The following TMEM170B variants were observed in gnomAD, a reference collection of about 807,000 sequenced individuals.
The protein encoded by TMEM170B is transmembrane protein 170B.
Under a neutral mutation model 13.0 loss-of-function variants are expected in TMEM170B, and 6 were observed. The observed-to-expected ratio is 0.46, with a 90% CI of 0.25 to 0.91. The LOEUF (loss-of-function observed/expected upper bound fraction) is 0.91. TMEM170B is among the 40% of genes least tolerant of loss of function. The pLI is 0.17. For missense variants in TMEM170B, 138 were observed against 165.2 expected, an observed-to-expected ratio of 0.84 and a Z score of 0.90; for synonymous variants, 61 against 64.9, an observed-to-expected ratio of 0.94 and a Z score of 0.29.
intron 1 of TMEM170B, among the ~76,000 whole-genome samples, chr6:11,558,302 T>C (rs1238769882): frequency 1.3e-5 from 2 of 152,198 alleles, no homozygotes; most frequent in East Asian, 1.9e-4. Context: ...GACTCTAACA[T>C]ACCACTGTAA....
At chr6:11,540,597 C>T (rs1307753488) in intron 1 of TMEM170B, among the ~76,000 whole-genome samples, 2 of 152,176 alleles carry the variant, frequency 1.3e-5, no homozygotes, top group South Asian at 2.1e-4. Flanking sequence ...TGTTGATCCC[C>T]TCAAAGTCAT....
chr6:11,548,634 T>G (rs1306667016), intron 1 of TMEM170B, among the ~76,000 whole-genome samples: 1 of 152,210 alleles, frequency 6.6e-6, no homozygotes. Context: ...GTATGTTTAT[T>G]GTGGCACTAT....
rs1280614732 is a variant in TMEM170B at position 11,575,421 on chromosome 6, T to G, written c.269-10T>G. 3.1e-6 allele frequency: 5 copies of G among 1,613,194 alleles called. No individual in the cohort carries two copies. The highest frequency in any genetic ancestry group is 4.2e-6 in the Non-Finnish European group (5 of 1,179,370). On this transcript the variant is annotated splice_polypyrimidine_tract_variant and intron_variant, in intron 2 of 2. Transcript: ENST00000379426. The surrounding 1 kb of genome is among the most constrained non-coding windows in gnomAD (Gnocchi z 4.1). The stretch of plus-strand genomic sequence containing the variant: ...CTGTATCCCTTCATTTTTCTCCCGT[T>G]TCTCCTTAGGTGCAGCAGTAGCGGG...
chr6:11,562,887 T>C (rs1759687845), intron 1 of TMEM170B, among the ~76,000 whole-genome samples: 1 of 152,264 alleles, frequency 6.6e-6, no homozygotes, highest in African/African-American at 2.4e-5. Context: ...TGTTGCTTTT[T>C]AATAACCATA....
In TMEM170B at chr6:11,576,628, A is replaced by G. The variant is rs774421541; in HGVS notation, c.*1067A>G. 7 of 152,206 alleles carry G rather than the reference A, an allele frequency of 4.6e-5. No homozygotes were observed. Among genetic ancestry groups the G allele is most frequent in the Non-Finnish European group, 1.0e-4 (7 of 68,006 alleles). The allele number at this position is 152,206 out of a possible 1,614,324, so 9.4% of individuals were successfully genotyped here. A position where few individuals can be genotyped will look rare whatever the true frequency, so the allele number is the denominator to read the frequency against. On this transcript the variant is annotated 3_prime_UTR_variant, in exon 3 of 3. Transcript: ENST00000379426. ...AATAAAGACCTCATTTGTAGAAATA[A>G]GTAACAAGTAAGTTATATAGGAAGA...
intron 2 of TMEM170B, among the ~76,000 whole-genome samples, chr6:11,571,926 GA>G (rs1166919876): frequency 6.6e-6 from 1 of 152,088 alleles, no homozygotes; most frequent in African/African-American, 2.4e-5. Flanking sequence ...AATAATATGT[GA>G]AGAGAAACTC....
chr6:11,560,255 C>T (rs1759644537), intron 1 of TMEM170B, among the ~76,000 whole-genome samples: 1 of 151,874 alleles, frequency 6.6e-6, no homozygotes, highest in Admixed American at 6.5e-5. Flanking sequence ...AGCTCCACCT[C>T]CTGGGTTCAC....
chr6:11,565,706 T>C lies in TMEM170B; in HGVS notation c.138T>C (p.Ser46=). The C allele has an allele frequency of 3.1e-6, 5 of 1,614,200 alleles. No homozygotes were observed. Among genetic ancestry groups the C allele is most frequent in the Non-Finnish European group, 3.4e-6 (4 of 1,180,018 alleles). ...YWIFLWALFS[S]LFVHGAAGVL... ...TCTTCCTCTGGGCTCTCTTCTCTTC[T>C]CTGTTTGTCCATGGTGCTGCAGGAG... Residue 46 remains serine, a synonymous_variant, in exon 2 of 3, where the codon TCT becomes TCC. Transcript: ENST00000379426.
At chr6:11,562,808 A>AT in intron 1 of TMEM170B, among the ~76,000 whole-genome samples, 1 of 152,174 alleles carries the variant, frequency 6.6e-6, no homozygotes, top group Middle Eastern at 3.2e-3. Context: ...GTTCTATACA[A>AT]TTGTATCACT....
intron 2 of TMEM170B, among the ~76,000 whole-genome samples, chr6:11,568,652 C>T (rs1257515190): frequency 6.6e-6 from 1 of 151,960 alleles, no homozygotes; most frequent in Non-Finnish European, 1.5e-5. Context: ...AATTTGTGTC[C>T]ATATTAGCAA....
In TMEM170B at chr6:11,583,218, T is replaced by C. The variant is rs1759981939; in HGVS notation, c.*7657T>C. On this transcript the variant is annotated 3_prime_UTR_variant, in exon 3 of 3. Coordinates refer to ENST00000379426, the MANE Select transcript of TMEM170B (RefSeq NM_001100829.3). ...GCAAGTTATTTTTAATTATAGAAAG[T>C]AGGTCTACAAAGATAAGATCTAGGT... 1 of 152,198 alleles carries C rather than the reference T, an allele frequency of 6.6e-6. No individual in the cohort carries two copies. The highest frequency in any genetic ancestry group is 2.4e-5 in the African/African-American group (1 of 41,448). 9.4% of individuals were successfully genotyped at this position (152,198 alleles called of 1,614,324 possible). A position where few individuals can be genotyped will look rare whatever the true frequency, so the allele number is the denominator to read the frequency against.
At chr6:11,553,016 G>T (rs1759545329) in intron 1 of TMEM170B, among the ~76,000 whole-genome samples, 1 of 152,142 alleles carries the variant, frequency 6.6e-6, no homozygotes, top group African/African-American at 2.4e-5. Flanking sequence ...CCTGGGCCCT[G>T]AACCCTTGAC....
chr6:11,565,416 G>A (rs1759720509), intron 1 of TMEM170B, among the ~76,000 whole-genome samples: 1 of 152,274 alleles, frequency 6.6e-6, no homozygotes, highest in South Asian at 2.1e-4. Context: ...TGTAATAGGG[G>A]CATTTAGAAG....
At chr6:11,565,237 A>G (rs1235989232) in intron 1 of TMEM170B, among the ~76,000 whole-genome samples, 1 of 152,224 alleles carries the variant, frequency 6.6e-6, no homozygotes, top group African/African-American at 2.4e-5. Flanking sequence ...AAAATCATTG[A>G]CTGATTTCTG....
chr6:11,562,481 TA>T (rs1235423318), intron 1 of TMEM170B, among the ~76,000 whole-genome samples: 2 of 151,472 alleles, frequency 1.3e-5, no homozygotes, highest in Non-Finnish European at 2.9e-5. Context: ...TTCTTTGAAA[TA>T]ATTTCAAATT....
intron 1 of TMEM170B, among the ~76,000 whole-genome samples, chr6:11,551,824 G>T (rs910945748): frequency 6.6e-6 from 1 of 152,162 alleles, no homozygotes; most frequent in Non-Finnish European, 1.5e-5. Flanking sequence ...TCATGGGAGG[G>T]TAGAGAGGCA....
chr6:11,570,174 C>T (rs764156025), intron 2 of TMEM170B, among the ~76,000 whole-genome samples: 7 of 152,056 alleles, frequency 4.6e-5, no homozygotes, highest in African/African-American at 9.7e-5. Context: ...TCATCTTTTA[C>T]GTCTTTTATT....
At chr6:11,568,577 T>G (rs1759763345) in intron 2 of TMEM170B, among the ~76,000 whole-genome samples, 2 of 152,164 alleles carry the variant, frequency 1.3e-5, no homozygotes, top group Admixed American at 6.5e-5. Flanking sequence ...GCCAGTGATT[T>G]TAGAAACTGC....
chr6:11,538,780 T>G (rs1759320054), intron 1 of TMEM170B, among the ~76,000 whole-genome samples: 1 of 152,260 alleles, frequency 6.6e-6, no homozygotes, highest in Non-Finnish European at 1.5e-5. Flanking sequence ...TTAGTTCTTT[T>G]TCTTTCTGGC....
Sources: allele counts gnomAD v4.1 joint callset (sites outside exome capture counted in the v4.1 genomes callset), GRCh38; gene constraint gnomAD v4.1.1; non-coding constraint Gnocchi (gnomAD v3.1); transcripts MANE v1.5; gene names NCBI Gene and HGNC (gene_info 2026-07-23, HGNC 2026-07-21).